Variants in NFIB observed in about 807,000 individuals in gnomAD.
The protein encoded by NFIB is nuclear factor I B, also known as nuclear factor 1 B-type.
NFIB carries 11 observed loss-of-function variants against 61.5 expected under a neutral mutation model. The observed-to-expected ratio is 0.18, with a 90% confidence interval of 0.11 to 0.30. The LOEUF (loss-of-function observed/expected upper bound fraction) is 0.30. Ranked by LOEUF, NFIB falls within the 10% of genes least tolerant of loss-of-function variation. NFIB has a pLI of 1.00. For synonymous variants in NFIB, 260 were observed against 216.5 expected (o/e 1.20, Z -1.76); for missense variants, 471 against 608.9 (o/e 0.77, Z 2.38).
intron 2 of NFIB, among the ~76,000 whole-genome samples, chr9:14,298,666 T>TAA (rs2059581229): frequency 1.2e-4 from 18 of 152,226 alleles, no homozygotes; most frequent in Admixed American, 9.2e-4. Context: ...TCCACTGGTG[T>TAA]GTAAAGGGCG....
At chr9:14,469,362 T>A in the NFIB span, among the ~76,000 whole-genome samples, 1 of 152,182 alleles carries the variant, frequency 6.6e-6, no homozygotes, top group Non-Finnish European at 1.5e-5. Flanking sequence ...GCCCACACAC[T>A]TGTTGATGTA....
intron 8 of NFIB, among the ~76,000 whole-genome samples, chr9:14,117,740 C>A (rs1210791886): frequency 6.6e-6 from 1 of 151,970 alleles, no homozygotes; most frequent in African/African-American, 2.4e-5. Flanking sequence ...GGAAAATTGA[C>A]CAGAGTTTTC....
At chr9:14,418,514 G>A in the NFIB span, among the ~76,000 whole-genome samples, 2 of 152,156 alleles carry the variant, frequency 1.3e-5, no homozygotes, top group African/African-American at 4.8e-5. Context: ...GAAAAGAGTA[G>A]GGGTATGCTT....
At chr9:14,212,988 C>T (rs2050470399) in intron 2 of NFIB, among the ~76,000 whole-genome samples, 1 of 152,190 alleles carries the variant, frequency 6.6e-6, no homozygotes, top group Non-Finnish European at 1.5e-5. Context: ...GTCTCAGAGA[C>T]ACACAAACAC....
chr9:14,483,497 G>C, the NFIB span, among the ~76,000 whole-genome samples: 1 of 152,196 alleles, frequency 6.6e-6, no homozygotes, highest in Admixed American at 6.5e-5. Context: ...TATTGGTCAA[G>C]AAGTCAGGCT....
chr9:14,330,193 G>T (rs1484277728), intron 1 of NFIB, among the ~76,000 whole-genome samples: 1 of 152,122 alleles, frequency 6.6e-6, no homozygotes, highest in Non-Finnish European at 1.5e-5. Flanking sequence ...AGTGAGGGAG[G>T]ATGATCACTT....
chr9:14,216,025 C>T (rs758965181), intron 2 of NFIB, among the ~76,000 whole-genome samples: 4 of 151,994 alleles, frequency 2.6e-5, no homozygotes, highest in Non-Finnish European at 4.4e-5. Flanking sequence ...TTGGTAATGA[C>T]GATAAAGCTG....
intron 2 of NFIB, among the ~76,000 whole-genome samples, chr9:14,257,932 A>T (rs1473017554): frequency 6.6e-6 from 1 of 152,184 alleles, no homozygotes; most frequent in Admixed American, 6.5e-5. Flanking sequence ...AAAGCATCAT[A>T]TCAGTATCTC....
chr9:14,446,741 G>A, the NFIB span, among the ~76,000 whole-genome samples: 7 of 151,976 alleles, frequency 4.6e-5, no homozygotes, highest in African/African-American at 7.2e-5. Context: ...ATAAATGAAC[G>A]TATTATTATG....
chr9:14,391,123 A>T (rs2061614436), intron 1 of NFIB, among the ~76,000 whole-genome samples: 1 of 152,344 alleles, frequency 6.6e-6, no homozygotes, highest in Admixed American at 6.5e-5. Context: ...ATTTTCTTTT[A>T]AAGAGTAAAG....
At chr9:14,344,986 C>T (rs1321026311) in intron 1 of NFIB, among the ~76,000 whole-genome samples, 2 of 152,148 alleles carry the variant, frequency 1.3e-5, no homozygotes, top group African/African-American at 4.8e-5. Context: ...GGCACTGCAG[C>T]TTCCACCTTC....
At chr9:14,279,721 T>C (rs539633231) in intron 2 of NFIB, among the ~76,000 whole-genome samples, 1 of 152,314 alleles carries the variant, frequency 6.6e-6, no homozygotes, top group African/African-American at 2.4e-5. Context: ...ACTCTTCATC[T>C]CTGGTTCCTT....
the NFIB span, among the ~76,000 whole-genome samples, chr9:14,425,574 T>C: frequency 6.6e-6 from 1 of 151,996 alleles, no homozygotes; most frequent in Non-Finnish European, 1.5e-5. Context: ...TGTATGAATT[T>C]TAGTGTGATT....
chr9:14,190,106 G>C (rs1461141861), intron 2 of NFIB, among the ~76,000 whole-genome samples: 1 of 151,930 alleles, frequency 6.6e-6, no homozygotes, highest in African/African-American at 2.4e-5. Flanking sequence ...AAGATACTTT[G>C]CCAAATCATT....
At chr9:14,188,497 T>C (rs990754766) in intron 2 of NFIB, among the ~76,000 whole-genome samples, 1 of 152,244 alleles carries the variant, frequency 6.6e-6, no homozygotes, top group African/African-American at 2.4e-5. Flanking sequence ...ACATTATTTA[T>C]TCAAAACATT....
At chr9:14,483,348 G>A in the NFIB span, among the ~76,000 whole-genome samples, 6 of 152,238 alleles carry the variant, frequency 3.9e-5, no homozygotes, top group South Asian at 8.3e-4. Context: ...AGTTCAGAAC[G>A]GGATTCTGTG....
chr9:14,432,470 A>G, the NFIB span, among the ~76,000 whole-genome samples: 1 of 152,242 alleles, frequency 6.6e-6, no homozygotes, highest in South Asian at 2.1e-4. Context: ...ATTCTGACCA[A>G]CACAATCTCC....
At chr9:14,520,814 G>A in the NFIB span, among the ~76,000 whole-genome samples, 13 of 152,284 alleles carry the variant, frequency 8.5e-5, no homozygotes, top group Non-Finnish European at 1.9e-4. Context: ...CTAAGGGTAA[G>A]GCTGCTTCAT....
intron 1 of NFIB, among the ~76,000 whole-genome samples, chr9:14,359,064 G>C (rs2061208942): frequency 6.6e-6 from 1 of 152,176 alleles, no homozygotes; most frequent in Non-Finnish European, 1.5e-5. Flanking sequence ...CCCTTTGATA[G>C]CTTGAAGTTG....
Sources: allele counts gnomAD v4.1 joint callset (sites outside exome capture counted in the v4.1 genomes callset), GRCh38; gene constraint gnomAD v4.1.1; transcripts MANE v1.5; gene names NCBI Gene and HGNC (gene_info 2026-07-23, HGNC 2026-07-21).